Variants in UBE2H observed in about 807,000 individuals in gnomAD.
UBE2H encodes ubiquitin conjugating enzyme E2 H.
In UBE2H, 3 loss-of-function variants were observed where a neutral mutation model predicts 29.0. The ratio of observed to expected loss-of-function variants is 0.10; its 90% confidence interval spans 0.05 to 0.27. The LOEUF is 0.27. Among genes scored for constraint, UBE2H ranks in the 10% least tolerant of loss-of-function variants. The probability of loss-of-function intolerance (pLI) is 1.00; values close to 1 mark genes in which losing one functional copy is unlikely to be tolerated. For synonymous variants in UBE2H, 69 were observed against 82.9 expected (o/e 0.83, Z 0.91); for missense variants, 68 against 228.2 (o/e 0.30, Z 4.52).
At chr7:129,932,826 G>C (rs1169541218) in intron 1 of UBE2H, among the ~76,000 whole-genome samples, 1 of 129,342 alleles carries the variant, frequency 7.7e-6, no homozygotes, top group Non-Finnish European at 1.6e-5. Flanking sequence ...ATCTACATCA[G>C]AAAACTGTTG....
intron 5 of UBE2H, among the ~76,000 whole-genome samples, chr7:129,849,315 C>T (rs1213806022): frequency 3.9e-5 from 6 of 152,200 alleles, no homozygotes; most frequent in African/African-American, 1.2e-4. Context: ...CAGTGGCTCA[C>T]GCCTGTAATC....
intron 5 of UBE2H, among the ~76,000 whole-genome samples, chr7:129,846,040 A>G (rs1805504873): frequency 1.3e-5 from 2 of 152,200 alleles, no homozygotes; most frequent in South Asian, 4.1e-4. Context: ...AAAAAAATGT[A>G]CCAATTCTTA....
At chr7:129,927,527 G>A (rs537240442) in intron 1 of UBE2H, among the ~76,000 whole-genome samples, 12 of 152,164 alleles carry the variant, frequency 7.9e-5, no homozygotes, top group East Asian at 5.8e-4. Flanking sequence ...CTGACAGAGC[G>A]AGACTCCGTC....
rs1373946553 is a variant in UBE2H at position 129,835,048 on chromosome 7, T to C, written c.441A>G (p.Lys147=). ...CTTTCAGCGCCTCCTCCGTGGCGTA[T>C]TTCTGGATGTACTCTGCACGGGGTG... ...YKQKIKEYIQ[K]YATEEALKEQ... Residue 147 remains lysine (K), a synonymous_variant, in exon 7 of 7, where the codon AAA becomes AAG. Transcript: ENST00000355621. 6.2e-7 allele frequency: 1 copy of C among 1,614,070 alleles called. No homozygotes were observed.
intron 6 of UBE2H, among the ~76,000 whole-genome samples, chr7:129,837,395 T>C (rs1268999070): frequency 1.3e-5 from 2 of 152,004 alleles, no homozygotes; most frequent in Non-Finnish European, 2.9e-5. Flanking sequence ...TCCAGCAAAA[T>C]GGGACTTGAG....
chr7:129,853,003 G>A (rs1805639426), intron 5 of UBE2H, among the ~76,000 whole-genome samples: 1 of 152,166 alleles, frequency 6.6e-6, no homozygotes, highest in Non-Finnish European at 1.5e-5. Context: ...TGGGATTACA[G>A]GCATGAGCCA....
intron 1 of UBE2H, among the ~76,000 whole-genome samples, chr7:129,884,966 C>T (rs1046515285): frequency 1.1e-4 from 16 of 151,872 alleles, no homozygotes; most frequent in African/African-American, 3.9e-4. Flanking sequence ...TTTGGAAGGC[C>T]TAAGGCAGGA....
intron 1 of UBE2H, among the ~76,000 whole-genome samples, chr7:129,933,056 T>C (rs1040352383): frequency 6.6e-6 from 1 of 152,184 alleles, no homozygotes; most frequent in Admixed American, 6.6e-5. Flanking sequence ...TATGTGTATA[T>C]ACATTTAAAT....
Position 129,873,301 on chromosome 7 carries a change from G to A in UBE2H, c.205+6267C>T, listed in dbSNP as rs150773240. 6.0e-3 allele frequency among the ~76,000 whole-genome samples: 912 copies of A among 152,026 alleles called. 3 individuals carry two copies. The highest frequency in any genetic ancestry group is 8.3e-3 in the Non-Finnish European group (566 of 67,992). ...CCCAAAGTGCTGGGATTACAGGCAT[G>A]AGCCACCACGCCCAGCCAGCTCAGA... On this transcript the variant is annotated intron_variant, in intron 3 of 6. Coordinates refer to ENST00000355621, the MANE Select transcript of UBE2H (RefSeq NM_003344.4).
At chr7:129,894,181 C>T (rs1236129496) in intron 1 of UBE2H, among the ~76,000 whole-genome samples, 1 of 152,110 alleles carries the variant, frequency 6.6e-6, no homozygotes, top group Admixed American at 6.6e-5. Context: ...GGACCAGGTG[C>T]AGTGGCTCAC....
At chr7:129,842,112 T>C (rs532106462) in intron 5 of UBE2H, among the ~76,000 whole-genome samples, 1 of 152,372 alleles carries the variant, frequency 6.6e-6, no homozygotes, top group South Asian at 2.1e-4. Flanking sequence ...TAACTTCTAC[T>C]TTTCACATTT....
intron 5 of UBE2H, among the ~76,000 whole-genome samples, chr7:129,850,679 G>A (rs1181600276): frequency 6.6e-6 from 1 of 152,136 alleles, no homozygotes; most frequent in African/African-American, 2.4e-5. Flanking sequence ...GCCAGGTGCG[G>A]TGGCAGGCGC....
chr7:129,863,071 G>A lies in UBE2H; in HGVS notation c.206-4130C>T, dbSNP rs6970225. 8.8e-4 allele frequency among the ~76,000 whole-genome samples: 134 copies of A among 152,326 alleles called. 1 individual carries two copies. The highest frequency in any genetic ancestry group is 3.4e-3 in the Middle Eastern group (1 of 294). Reference sequence around the variant, plus strand: ...GTAAGCTTTAAATGTTTATCAAAACGTCTCTGAAAGACTAAGGTGCCTCCC... The same window carrying A: ...GTAAGCTTTAAATGTTTATCAAAACATCTCTGAAAGACTAAGGTGCCTCCC... On this transcript the variant is annotated intron_variant, in intron 3 of 6. Coordinates refer to ENST00000355621, the MANE Select transcript of UBE2H (RefSeq NM_003344.4).
chr7:129,896,198 G>C (rs913497356), intron 1 of UBE2H, among the ~76,000 whole-genome samples: 1 of 151,666 alleles, frequency 6.6e-6, no homozygotes, highest in African/African-American at 2.4e-5. Flanking sequence ...TTAGCTGGAC[G>C]TGGTGGCGGG....
At chr7:129,926,068 G>A (rs1029969833) in intron 1 of UBE2H, among the ~76,000 whole-genome samples, 3 of 152,230 alleles carry the variant, frequency 2.0e-5, no homozygotes, top group Admixed American at 2.0e-4. Context: ...AGGAAACCAA[G>A]GCAAAGAGAT....
intron 1 of UBE2H, among the ~76,000 whole-genome samples, chr7:129,913,924 T>C (rs1168856954): frequency 6.6e-6 from 1 of 152,086 alleles, no homozygotes; most frequent in Non-Finnish European, 1.5e-5. Context: ...GTTACCGACA[T>C]GGAAGGAGAT....
intron 6 of UBE2H, among the ~76,000 whole-genome samples, chr7:129,835,708 A>G (rs1184007971): frequency 6.6e-6 from 1 of 152,186 alleles, no homozygotes; most frequent in Non-Finnish European, 1.5e-5. Context: ...AAGACTGCTG[A>G]AACGGCTTTT....
At chr7:129,932,412 C>T (rs1183955639) in intron 1 of UBE2H, among the ~76,000 whole-genome samples, 1 of 151,746 alleles carries the variant, frequency 6.6e-6, no homozygotes, top group African/African-American at 2.4e-5. Context: ...CGTGAGGCAC[C>T]ACGCCCAGCC....
At chr7:129,932,773 CAA>C (rs1208871059) in intron 1 of UBE2H, among the ~76,000 whole-genome samples, 1 of 33,206 alleles carries the variant, frequency 3.0e-5, no homozygotes, top group Admixed American at 3.1e-4. Context: ...GACTCCGTCT[CAA>C]AAAAAAAAAA....
Sources: gnomAD v4.1 joint callset for allele counts (sites outside exome capture counted in the v4.1 genomes callset) on GRCh38, gnomAD v4.1.1 for gene constraint, MANE v1.5 for transcripts, NCBI Gene and HGNC (gene_info 2026-07-23, HGNC 2026-07-21) for gene names.